Variants in NRXN2 observed in about 807,000 individuals in gnomAD.
NRXN2 encodes the protein neurexin-2-beta.
NRXN2 carries 29 observed loss-of-function variants against 128.8 expected under a neutral mutation model. The observed-to-expected ratio is 0.23, with a 90% CI of 0.17 to 0.31. NRXN2 has a LOEUF of 0.31. Ranked by LOEUF, NRXN2 falls within the 10% of genes least tolerant of loss-of-function variation. The pLI is 1.00. For missense variants in NRXN2, 1,881 were observed against 2,452.6 expected, an observed-to-expected ratio of 0.77 and a Z score of 4.92; for synonymous variants, 1,098 against 1,075.2, an observed-to-expected ratio of 1.02 and a Z score of -0.41.
chr11:64,661,084 C>T lies in NRXN2; in HGVS notation c.1854G>A (p.Glu618=), dbSNP rs755916342. ...ACAGCTCACTCTCCAGGTCCAGAAT[C>T]TCGCTGTCTCCAGTGGCCAAGAACG... is the stretch of plus-strand genomic sequence containing the variant. ...STPFLATGDS[E]ILDLESELYL... The change falls in exon 10 of 23, where the codon GAG becomes GAA. Residue 618 remains glutamate (E), a synonymous_variant. Coordinates refer to ENST00000265459, the MANE Select transcript of NRXN2 (RefSeq NM_015080.4). The T allele has an allele frequency of 6.2e-7, 1 of 1,613,608 alleles. No homozygotes were observed. Among genetic ancestry groups the T allele is most frequent in the Non-Finnish European group, 8.5e-7 (1 of 1,180,030 alleles).
intron 2 of NRXN2, among the ~76,000 whole-genome samples, chr11:64,702,988 A>G (rs943375874): frequency 3.3e-5 from 5 of 150,400 alleles, no homozygotes; most frequent in Non-Finnish European, 5.9e-5. Context: ...AAAAAAAAAA[A>G]AAAAAAGAAA....
chr11:64,642,668 CCAGCAGCAA>C (rs1487227327), intron 17 of NRXN2: 9 of 1,574,126 alleles, frequency 5.7e-6, no homozygotes, highest in Admixed American at 1.8e-5. Context: ...TCGGCCGCCC[CCAGCAGCAA>C]CAGCAGCAAC....
rs1418232176 is a variant in NRXN2, at chr11:64,648,085, C to A, written c.3403+134G>T. The A allele has an allele frequency of 5.4e-6, 7 of 1,294,374 alleles. No individual in the cohort carries two copies. The highest frequency in any genetic ancestry group is 2.5e-5 in the South Asian group (2 of 79,456). 80.2% of individuals were successfully genotyped at this position (1,294,374 alleles called of 1,614,324 possible). A position where few individuals can be genotyped will look rare whatever the true frequency, so the allele number is the denominator to read the frequency against. On this transcript the variant is annotated intron_variant, in intron 17 of 22. Transcript: ENST00000265459. This position sits in a 1 kb window ranked among gnomAD's most constrained non-coding sequence, Gnocchi z 4.1. ...AGGCCACAGCTCCCCTGGGACTCTG[C>A]AGACAAGGGATGAGAAGGAAGAAGC... is the stretch of plus-strand genomic sequence containing the variant.
In NRXN2 at chr11:64,606,797, G is replaced by A. The variant is rs1369863734; in HGVS notation, c.*399C>T. ...CTTGGGAAGAGAAGGAAGGCAGGAGGGACAGAAGGAAGAAGAAGAAAAATT... is the reference window on the plus strand; with the variant it reads ...CTTGGGAAGAGAAGGAAGGCAGGAGAGACAGAAGGAAGAAGAAGAAAAATT... On this transcript the variant is annotated 3_prime_UTR_variant, in exon 23 of 23. Coordinates refer to ENST00000265459, the MANE Select transcript of NRXN2 (RefSeq NM_015080.4). 5.0e-6 allele frequency: 1 copy of A among 201,858 alleles called. No individual in the cohort carries two copies. Among genetic ancestry groups the A allele is most frequent in the Non-Finnish European group, 1.0e-5 (1 of 98,056 alleles). The allele number at this position is 201,858 out of a possible 1,614,324, so 12.5% of individuals were successfully genotyped here.
At chr11:64,659,541 G>C (rs1805726746) in intron 11 of NRXN2, 1 of 152,628 alleles carries the variant, frequency 6.6e-6, no homozygotes. Context: ...GCCTGAGGGG[G>C]AGGGTCAGCA....
chr11:64,622,701 C>A lies in NRXN2; in HGVS notation c.4173+52G>T. On this transcript the variant is annotated intron_variant, in intron 21 of 22. Coordinates refer to ENST00000265459, the MANE Select transcript of NRXN2 (RefSeq NM_015080.4). This position sits in a 1 kb window ranked among gnomAD's most constrained non-coding sequence, Gnocchi z 4.3. ...ACTACTGTGGCTATGCAGATATCAACCCCATCCCCACCTATCCCTGCCCTA... is the reference window on the plus strand; with the variant it reads ...ACTACTGTGGCTATGCAGATATCAAACCCATCCCCACCTATCCCTGCCCTA... 1 of 1,575,090 alleles carries A rather than the reference C, an allele frequency of 6.3e-7. No homozygotes were observed. Among genetic ancestry groups the A allele is most frequent in the South Asian group, 1.1e-5 (1 of 87,598 alleles).
chr11:64,705,601 C>T (rs771593252), intron 2 of NRXN2, among the ~76,000 whole-genome samples: 2 of 151,946 alleles, frequency 1.3e-5, no homozygotes, highest in African/African-American at 4.8e-5. Context: ...TTCATCTGAT[C>T]TCAGAGCTTC....
chr11:64,629,230 C>G (rs2043513526), intron 19 of NRXN2, among the ~76,000 whole-genome samples: 1 of 152,180 alleles, frequency 6.6e-6, no homozygotes, highest in South Asian at 2.1e-4. Flanking sequence ...GCTCACTCTG[C>G]TTCTCAGTCA....
intron 2 of NRXN2, among the ~76,000 whole-genome samples, chr11:64,702,058 T>C (rs1246904642): frequency 7.0e-6 from 1 of 142,876 alleles, no homozygotes; most frequent in African/African-American, 2.7e-5. Flanking sequence ...GAGGGGTGCC[T>C]CTGCCCTGCC....
At chr11:64,682,973 G>A (rs1955009995) in intron 6 of NRXN2, among the ~76,000 whole-genome samples, 1 of 152,134 alleles carries the variant, frequency 6.6e-6, no homozygotes, top group African/African-American at 2.4e-5. Flanking sequence ...AGGGAAAAAG[G>A]GAAATTCTGC....
intron 22 of NRXN2, among the ~76,000 whole-genome samples, chr11:64,616,782 T>G (rs1183318988): frequency 6.6e-6 from 1 of 152,198 alleles, no homozygotes; most frequent in African/African-American, 2.4e-5. Context: ...TGAACATGCA[T>G]GCACACATAG....
intron 9 of NRXN2, among the ~76,000 whole-genome samples, chr11:64,662,655 G>A (rs374060873): frequency 6.6e-5 from 10 of 151,540 alleles, no homozygotes; most frequent in South Asian, 2.1e-4. Flanking sequence ...GGTGGCGGGC[G>A]CCTGTAGTCC....
At chr11:64,612,291 A>G (rs1269476031) in intron 22 of NRXN2, among the ~76,000 whole-genome samples, 2 of 150,208 alleles carry the variant, frequency 1.3e-5, no homozygotes, top group Admixed American at 1.3e-4. Flanking sequence ...CAGACTCACA[A>G]TGACTCATGG....
chr11:64,644,959 C>G (rs1397633310), intron 17 of NRXN2, among the ~76,000 whole-genome samples: 1 of 152,178 alleles, frequency 6.6e-6, no homozygotes, highest in Non-Finnish European at 1.5e-5. Flanking sequence ...AATGCTGCTG[C>G]CAGTCCTCCA....
intron 11 of NRXN2, among the ~76,000 whole-genome samples, chr11:64,657,721 TTGG>T (rs2048466396): frequency 1.3e-5 from 2 of 152,212 alleles, no homozygotes; most frequent in African/African-American, 2.4e-5. Context: ...AACCCAAGGC[TTGG>T]TGGCTGGGTA....
intron 15 of NRXN2, among the ~76,000 whole-genome samples, chr11:64,650,157 G>A (rs2047260662): frequency 6.6e-6 from 1 of 152,020 alleles, no homozygotes; most frequent in South Asian, 2.1e-4. Flanking sequence ...AGGCCCAGGA[G>A]GTCCTTGGAG....
Position 64,630,418 on chromosome 11 carries a change from G to A in NRXN2, c.3741C>T (p.Asn1247=). Residue 1247 remains asparagine (N), a synonymous_variant, in exon 19 of 23, where the codon AAC becomes AAT. Transcript: ENST00000265459. The surrounding 1 kb of genome is among the most constrained non-coding windows in gnomAD (Gnocchi z 4.6). ...ATLQVDSWPV[N]ERYPAGNFDN... ...GCCGCCTACCTGCCGGGTACCGCTCGTTGACCGGCCAGCTGTCCACCTGCA... is the reference window on the plus strand; with the variant it reads ...GCCGCCTACCTGCCGGGTACCGCTCATTGACCGGCCAGCTGTCCACCTGCA... 3 of 1,612,248 alleles carry A rather than the reference G, an allele frequency of 1.9e-6. No individual in the cohort carries two copies. Among genetic ancestry groups the A allele is most frequent in the African/African-American group, 1.3e-5 (1 of 75,024 alleles).
At position 64,630,307 on chromosome 11, in the gene NRXN2, G is replaced by C. The variant is rs536442593; in HGVS notation, c.3757+95C>G. 4.9e-6 allele frequency: 6 copies of C among 1,229,638 alleles called. No individual in the cohort carries two copies. Among genetic ancestry groups the C allele is most frequent in the African/African-American group, 4.6e-5 (3 of 65,784 alleles). 76.2% of individuals were successfully genotyped at this position (1,229,638 alleles called of 1,614,324 possible). A position where few individuals can be genotyped will look rare whatever the true frequency, so the allele number is the denominator to read the frequency against. ...CCCAGAGCCGCTTAGCCCCGCCCCA[G>C]AGCCGCTTAGCCCCGCCCCGGTGCG... On this transcript the variant is annotated intron_variant, in intron 19 of 22. Transcript: ENST00000265459. The surrounding 1 kb of genome is among the most constrained non-coding windows in gnomAD (Gnocchi z 4.6).
intron 5 of NRXN2, 138 bp from the exon 6 acceptor site, chr11:64,686,085 C>A (rs2053009968): frequency 1.2e-6 from 1 of 849,482 alleles, no homozygotes; most frequent in Admixed American, 2.0e-5. Context: ...GCTTTAGGCC[C>A]CTTTCCCTCC....
Sources: gnomAD v4.1 joint callset for allele counts (sites outside exome capture counted in the v4.1 genomes callset) on GRCh38, gnomAD v4.1.1 for gene constraint, Gnocchi (gnomAD v3.1) non-coding constraint, MANE v1.5 for transcripts, NCBI Gene and HGNC (gene_info 2026-07-23, HGNC 2026-07-21) for gene names.